CAB39L: variants seen among roughly 807,000 people sequenced by gnomAD.
CAB39L encodes the protein calcium binding protein 39 like.
Under a neutral mutation model 39.1 loss-of-function variants are expected in CAB39L, and 23 were observed. That is an observed-to-expected ratio of 0.59 (90% CI 0.42 to 0.83). The LOEUF is 0.83. Among genes scored for constraint, CAB39L ranks in the 40% least tolerant of loss-of-function variants. The probability of loss-of-function intolerance (pLI) is 0.00; values close to 1 mark genes in which losing one functional copy is unlikely to be tolerated. For missense variants in CAB39L, 366 were observed against 391.9 expected (o/e 0.93, Z 0.56); for synonymous variants, 126 against 137.2 (o/e 0.92, Z 0.57).
In CAB39L at chr13:49,340,183, C is replaced by G. The variant is rs181697018; in HGVS notation, c.625-441G>C. Among the ~76,000 whole-genome samples, 364 of 152,326 alleles carry G rather than the reference C, an allele frequency of 2.4e-3. 1 individual carries two copies. Among genetic ancestry groups the G allele is most frequent in the Admixed American group, 5.1e-3 (78 of 15,306 alleles). ...CATAAACAGATAAAGAACGAGGCAA[C>G]CTTTGTTGCATGACGGCCCAACTAG... is the stretch of plus-strand genomic sequence containing the variant. On this transcript the variant is annotated intron_variant, in intron 8 of 10. Transcript: ENST00000409308.
At chr13:49,321,950 C>T (rs1456799313) in intron 10 of CAB39L, among the ~76,000 whole-genome samples, 8 of 152,188 alleles carry the variant, frequency 5.3e-5, no homozygotes, top group Non-Finnish European at 7.3e-5. Flanking sequence ...TTACCTATAT[C>T]TCACGGAGTT....
At chr13:49,436,524 G>C (rs963236768) in intron 1 of CAB39L, among the ~76,000 whole-genome samples, 1 of 142,204 alleles carries the variant, frequency 7.0e-6, no homozygotes, top group Non-Finnish European at 1.5e-5. Context: ...TATGTACCTT[G>C]GAATTTAGCT....
At chr13:49,438,006 A>T (rs9596106) in intron 1 of CAB39L, among the ~76,000 whole-genome samples, 15 of 125,992 alleles carry the variant, frequency 1.2e-4, no homozygotes, top group East Asian at 6.9e-4. Flanking sequence ...TTTATTTTTT[A>T]TTTTTTTTAA....
intron 3 of CAB39L, among the ~76,000 whole-genome samples, chr13:49,397,095 C>G (rs1956655590): frequency 6.6e-6 from 1 of 151,988 alleles, no homozygotes; most frequent in Non-Finnish European, 1.5e-5. Context: ...CATTATGAAC[C>G]ATATTATATA....
At chr13:49,335,789 G>A (rs906263087) in intron 9 of CAB39L, among the ~76,000 whole-genome samples, 1 of 152,150 alleles carries the variant, frequency 6.6e-6, no homozygotes, top group African/African-American at 2.4e-5. Context: ...TCACATGATG[G>A]AAAGGAATTT....
chr13:49,390,219 A>G (rs1283648087), intron 3 of CAB39L, among the ~76,000 whole-genome samples: 1 of 151,962 alleles, frequency 6.6e-6, no homozygotes, highest in Non-Finnish European at 1.5e-5. Flanking sequence ...TATTCTGTAC[A>G]TTTCCTAATT....
In CAB39L at chr13:49,377,101, C is replaced by T. The variant is rs1289203124; in HGVS notation, c.142G>A (p.Ala48Thr). 6.2e-7 allele frequency: 1 copy of T among 1,613,466 alleles called. No individual in the cohort carries two copies. Among genetic ancestry groups the T allele is most frequent in the Non-Finnish European group, 8.5e-7 (1 of 1,179,564 alleles). ...GTACCACACAGAATTTCTTTCATTG[C>T]TTGCAGTGATTTAGACACTTCTTCT... is the stretch of plus-strand genomic sequence containing the variant. ...ASEEVSKSLQ[A>T]MKEILCGTNE... Residue 48 changes from alanine to threonine, a missense_variant, in exon 5 of 11, where the codon GCA (alanine) becomes ACA (threonine). Physicochemically the swap from Ala to Thr is moderately conservative, Grantham distance 58. Coordinates refer to ENST00000409308, the MANE Select transcript of CAB39L (RefSeq NM_001079670.3).
At chr13:49,338,038 G>A (rs963009619) in intron 9 of CAB39L, among the ~76,000 whole-genome samples, 1 of 152,122 alleles carries the variant, frequency 6.6e-6, no homozygotes, top group African/African-American at 2.4e-5. Context: ...CTATTTACGG[G>A]TAATTGAGAA....
At chr13:49,362,525 G>C (rs914504217) in intron 5 of CAB39L, among the ~76,000 whole-genome samples, 56 of 151,776 alleles carry the variant, frequency 3.7e-4, no homozygotes, top group African/African-American at 1.4e-3. Context: ...TTGCAGACAG[G>C]CTATTTGAAA....
chr13:49,328,287 G>C (rs905898560), intron 10 of CAB39L, among the ~76,000 whole-genome samples: 4 of 152,166 alleles, frequency 2.6e-5, no homozygotes, highest in Non-Finnish European at 4.4e-5. Flanking sequence ...TCGCCAATAT[G>C]AAGAACATAA....
At chr13:49,396,937 T>G (rs1203722843) in intron 3 of CAB39L, among the ~76,000 whole-genome samples, 1 of 152,080 alleles carries the variant, frequency 6.6e-6, no homozygotes, top group East Asian at 1.9e-4. Context: ...TATATGAAAA[T>G]CTTAAAACAA....
At chr13:49,337,088 C>T (rs1483658200) in intron 9 of CAB39L, among the ~76,000 whole-genome samples, 1 of 152,180 alleles carries the variant, frequency 6.6e-6, no homozygotes, top group Non-Finnish European at 1.5e-5. Flanking sequence ...CAGGTCATGG[C>T]TGATGCAGGA....
At chr13:49,433,268 C>CGTCTG in intron 3 of CAB39L, 50 bp downstream of exon 3, 1 of 416,130 alleles carries the variant, frequency 2.4e-6, no homozygotes. Context: ...ATAGTCTACA[C>CGTCTG]GTCTGTCGAG....
At chr13:49,403,674 T>C (rs1956820055) in intron 3 of CAB39L, among the ~76,000 whole-genome samples, 1 of 152,064 alleles carries the variant, frequency 6.6e-6, no homozygotes, top group Non-Finnish European at 1.5e-5. Context: ...AGAATTAAAA[T>C]TACAATTTCT....
At chr13:49,439,079 C>A (rs1265448643) in intron 1 of CAB39L, among the ~76,000 whole-genome samples, 1 of 152,072 alleles carries the variant, frequency 6.6e-6, no homozygotes, top group African/African-American at 2.4e-5. Context: ...TTTTAAAAAT[C>A]TTTTTATTTT....
chr13:49,418,568 T>C (rs1957121218), intron 3 of CAB39L, among the ~76,000 whole-genome samples: 1 of 152,180 alleles, frequency 6.6e-6, no homozygotes, highest in Non-Finnish European at 1.5e-5. Context: ...CAAACACATT[T>C]TGTTTATTTA....
rs534847982 is a variant in CAB39L, at chr13:49,396,954, G to A, written c.-31-14013C>T. 4.1e-4 allele frequency among the ~76,000 whole-genome samples: 62 copies of A among 152,134 alleles called. 2 individuals are homozygous for A. In the South Asian group the frequency reaches 0.011, roughly 27 times the overall value. On this transcript the variant is annotated intron_variant, in intron 3 of 10. Coordinates refer to ENST00000409308, the MANE Select transcript of CAB39L (RefSeq NM_001079670.3). ...TATGAAAATCTTAAAACAAAAAAGT[G>A]CACCTTAAAGTTCTACTGTATTTGC...
intron 3 of CAB39L, among the ~76,000 whole-genome samples, chr13:49,428,297 C>A (rs1022391869): frequency 6.6e-6 from 1 of 152,230 alleles, no homozygotes; most frequent in Non-Finnish European, 1.5e-5. Flanking sequence ...TGGCTACTGG[C>A]TAGAGGCTTT....
intron 5 of CAB39L, among the ~76,000 whole-genome samples, chr13:49,361,678 T>C (rs1359096962): frequency 1.3e-5 from 2 of 152,186 alleles, no homozygotes; most frequent in African/African-American, 2.4e-5. Flanking sequence ...CATCAAGTTC[T>C]ATTAGTACCA....
Sources: gnomAD v4.1 joint callset for allele counts (sites outside exome capture counted in the v4.1 genomes callset) on GRCh38, gnomAD v4.1.1 for gene constraint, MANE v1.5 for transcripts, NCBI Gene and HGNC (gene_info 2026-07-23, HGNC 2026-07-21) for gene names.